CTDSPL2: variants seen among roughly 807,000 people sequenced by gnomAD.
The protein encoded by CTDSPL2 is CTD small phosphatase like 2, also known as CTD small phosphatase-like protein 2.
A neutral mutation model predicts 60.0 loss-of-function variants in CTDSPL2; 5 were observed. The ratio of observed to expected loss-of-function variants is 0.08; its 90% confidence interval spans 0.04 to 0.18. The LOEUF is 0.18. Among genes scored for constraint, CTDSPL2 ranks in the 10% least tolerant of loss-of-function variants. CTDSPL2 has a pLI of 1.00. For missense variants in CTDSPL2, 370 were observed against 548.8 expected (o/e 0.67, Z 3.26); for synonymous variants, 186 against 189.3 (o/e 0.98, Z 0.14).
intron 1 of CTDSPL2, among the ~76,000 whole-genome samples, chr15:44,456,137 A>ACC (rs1406443738): frequency 6.6e-6 from 1 of 152,130 alleles, no homozygotes; most frequent in Non-Finnish European, 1.5e-5. Flanking sequence ...GGCGTGAGCC[A>ACC]CCGCGCCCGG....
At chr15:44,467,318 A>T (rs1229122928) in intron 2 of CTDSPL2, among the ~76,000 whole-genome samples, 1 of 151,978 alleles carries the variant, frequency 6.6e-6, no homozygotes, top group Non-Finnish European at 1.5e-5. Flanking sequence ...TTTTTTCTTC[A>T]CTTATTACAT....
chr15:44,497,126 A>C lies in CTDSPL2; in HGVS notation c.870A>C (p.Leu290=), dbSNP rs1387710993. 2 of 1,588,250 alleles carry C rather than the reference A, an allele frequency of 1.3e-6. No individual in the cohort carries two copies. The highest frequency in any genetic ancestry group is 2.7e-5 in the African/African-American group (2 of 74,320). ...CAAGAAGCACACCGGAATTCTCCCT[A>C]GTTTTAGACTTGGTAAGTATATTAT... ...LKTRSTPEFS[L]VLDLDETLVH... The change falls in exon 7 of 13, where the codon CTA becomes CTC. Residue 290 remains leucine (L), a synonymous_variant. Transcript: ENST00000260327.
At chr15:44,490,131 T>G (rs1412248478) in intron 4 of CTDSPL2, among the ~76,000 whole-genome samples, 5 of 152,086 alleles carry the variant, frequency 3.3e-5, no homozygotes, top group Non-Finnish European at 7.4e-5. Flanking sequence ...GACCTGGGAT[T>G]ATTATTTTTT....
chr15:44,437,480 G>A (rs1025199643), intron 1 of CTDSPL2, among the ~76,000 whole-genome samples: 2 of 152,208 alleles, frequency 1.3e-5, no homozygotes, highest in Non-Finnish European at 2.9e-5. Flanking sequence ...TGGTATCATG[G>A]ATTTTGTGAA....
intron 8 of CTDSPL2, chr15:44,501,904 C>T (rs1443759064): frequency 7.0e-6 from 3 of 426,266 alleles, no homozygotes; most frequent in Non-Finnish European, 1.4e-5. Flanking sequence ...AGGGTTCCCC[C>T]AGTTTTCAGA....
Position 44,525,491 on chromosome 15 carries a change from C to T in CTDSPL2, c.*1317C>T. On this transcript the variant is annotated 3_prime_UTR_variant, in exon 13 of 13. Transcript: ENST00000260327. ...ATGCTTTGCCTCTCAACTGCATTAACATGCCACAGGCTCAGACTGTTTTTG... is the reference window on the plus strand; with the variant it reads ...ATGCTTTGCCTCTCAACTGCATTAATATGCCACAGGCTCAGACTGTTTTTG... 2.5e-6 allele frequency: 1 copy of T among 398,854 alleles called. No homozygotes were observed. Among genetic ancestry groups the T allele is most frequent in the Admixed American group, 4.4e-5 (1 of 22,712 alleles). The allele number at this position is 398,854 out of a possible 1,614,324, so 24.7% of individuals were successfully genotyped here. A position where few individuals can be genotyped will look rare whatever the true frequency, so the allele number is the denominator to read the frequency against.
intron 2 of CTDSPL2, among the ~76,000 whole-genome samples, chr15:44,471,978 A>T (rs190565950): frequency 5.7e-4 from 86 of 152,158 alleles, no homozygotes; most frequent in African/African-American, 1.9e-3. Context: ...AATTAAAAAA[A>T]AAAAAAGAGA....
chr15:44,494,964 T>A (rs1327337275), intron 5 of CTDSPL2, among the ~76,000 whole-genome samples: 1 of 152,012 alleles, frequency 6.6e-6, no homozygotes, highest in Admixed American at 6.6e-5. Context: ...AGAGTAGCAT[T>A]TCTTAATTTT....
intron 1 of CTDSPL2, among the ~76,000 whole-genome samples, chr15:44,429,350 T>TA (rs1243905784): frequency 3.3e-5 from 5 of 152,284 alleles, no homozygotes; most frequent in Admixed American, 1.3e-4. Flanking sequence ...TGGAGCCAAA[T>TA]ATGCAACTTA....
chr15:44,452,555 T>C (rs1222654817), intron 1 of CTDSPL2, among the ~76,000 whole-genome samples: 2 of 152,134 alleles, frequency 1.3e-5, no homozygotes, highest in African/African-American at 4.8e-5. Context: ...TGGATAAAAA[T>C]GTAGAAGTGA....
rs57400480 is a variant in CTDSPL2 at position 44,440,056 on chromosome 15, A to G, written c.-25+12284A>G. On this transcript the variant is annotated intron_variant, in intron 1 of 12. Coordinates refer to ENST00000260327, the MANE Select transcript of CTDSPL2 (RefSeq NM_016396.3). ...TTGGAGGTTTTTTACTACAGTTTCA[A>G]TTTTAGAAATTAATGGATATGGGGC... is the stretch of plus-strand genomic sequence containing the variant. Among the ~76,000 whole-genome samples the G allele has an allele frequency of 4.0e-3, 613 of 152,226 alleles. 15 individuals are homozygous for G. Among genetic ancestry groups the G allele is most frequent in the East Asian group, 0.038 (197 of 5,182 alleles).
At chr15:44,428,951 G>C (rs2079802068) in intron 1 of CTDSPL2, among the ~76,000 whole-genome samples, 1 of 151,892 alleles carries the variant, frequency 6.6e-6, no homozygotes, top group Non-Finnish European at 1.5e-5. Flanking sequence ...TGGTGTTTTC[G>C]GAATTTATTA....
intron 1 of CTDSPL2, among the ~76,000 whole-genome samples, chr15:44,436,020 T>G (rs909890243): frequency 1.3e-5 from 2 of 152,184 alleles, no homozygotes; most frequent in Non-Finnish European, 2.9e-5. Context: ...CCTCCTCCTT[T>G]TATAATGAAG....
chr15:44,455,826 T>C (rs2080424111), intron 1 of CTDSPL2, among the ~76,000 whole-genome samples: 1 of 149,942 alleles, frequency 6.7e-6, no homozygotes, highest in Non-Finnish European at 1.5e-5. Flanking sequence ...GGTTTGCCAG[T>C]ATTTTATTGA....
chr15:44,494,155 T>G (rs2081260400), intron 5 of CTDSPL2, among the ~76,000 whole-genome samples: 1 of 152,242 alleles, frequency 6.6e-6, no homozygotes, highest in African/African-American at 2.4e-5. Context: ...TCTTCTTACA[T>G]TTAAGTTATA....
chr15:44,478,027 T>C (rs1234609586), intron 2 of CTDSPL2, among the ~76,000 whole-genome samples: 1 of 152,220 alleles, frequency 6.6e-6, no homozygotes, highest in Non-Finnish European at 1.5e-5. Context: ...ACATACTCAT[T>C]ACATGCTATC....
intron 1 of CTDSPL2, among the ~76,000 whole-genome samples, chr15:44,444,302 T>TACACACACACACACACACACACAC (rs59993417): frequency 7.3e-6 from 1 of 136,196 alleles, no homozygotes; most frequent in African/African-American, 2.8e-5. Flanking sequence ...GCTTTTCCCA[T>TACACACACACACACACACACACAC]ACACACACAC....
chr15:44,476,025 T>G (rs1332520305), intron 2 of CTDSPL2, among the ~76,000 whole-genome samples: 1 of 152,176 alleles, frequency 6.6e-6, no homozygotes, highest in Non-Finnish European at 1.5e-5. Flanking sequence ...TCTTCTTACC[T>G]CCCTGTTGTA....
intron 2 of CTDSPL2, among the ~76,000 whole-genome samples, chr15:44,463,936 TAACAATAAC>T (rs1446903343): frequency 1.3e-5 from 2 of 152,174 alleles, no homozygotes; most frequent in Non-Finnish European, 2.9e-5. Context: ...GTGTCAATAG[TAACAATAAC>T]AACAATAATT....
Sources: allele counts gnomAD v4.1 joint callset (sites outside exome capture counted in the v4.1 genomes callset), GRCh38; gene constraint gnomAD v4.1.1; transcripts MANE v1.5; gene names NCBI Gene and HGNC (gene_info 2026-07-23, HGNC 2026-07-21).